Variants in SGCZ observed in about 807,000 individuals in gnomAD.
The protein encoded by SGCZ is zeta-sarcoglycan.
In SGCZ, 40 loss-of-function variants were observed where a neutral mutation model predicts 41.3. The ratio of observed to expected loss-of-function variants is 0.97; its 90% CI spans 0.75 to 1.26. The LOEUF (loss-of-function observed/expected upper bound fraction) is 1.26. SGCZ is among the 50% of genes most tolerant of loss of function. The pLI is 0.00. For missense variants in SGCZ, 552 were observed against 369.8 expected (o/e 1.49, Z -4.04); for synonymous variants, 206 against 137.5 (o/e 1.50, Z -3.49).
chr8:14,571,389 A>C lies in SGCZ; in HGVS notation c.40-16463T>G, dbSNP rs182723767. On this transcript the variant is annotated intron_variant, in intron 1 of 7. Transcript: ENST00000382080. ...GCATTAATGTTGCTGTAATCAAACCAAGTAGTCACTGTTTTTAGCAACACC... is the reference window on the plus strand; with the variant it reads ...GCATTAATGTTGCTGTAATCAAACCCAGTAGTCACTGTTTTTAGCAACACC... 7.2e-5 allele frequency among the ~76,000 whole-genome samples: 11 copies of C among 152,296 alleles called. No homozygotes were observed. In the East Asian group the frequency reaches 2.1e-3, roughly 29 times the overall value.
intron 2 of SGCZ, among the ~76,000 whole-genome samples, chr8:14,353,491 A>G (rs113387901): frequency 6.6e-6 from 1 of 152,194 alleles, no homozygotes; most frequent in South Asian, 2.1e-4. Context: ...TGCTTTACAG[A>G]TATTTCCAAT....
intron 2 of SGCZ, among the ~76,000 whole-genome samples, chr8:14,411,582 A>G (rs919211108): frequency 6.6e-6 from 1 of 152,088 alleles, no homozygotes; most frequent in Non-Finnish European, 1.5e-5. Context: ...GTACCTCCCC[A>G]AACCTCTAGG....
chr8:15,088,690 C>T (rs1806040023), intron 1 of SGCZ, among the ~76,000 whole-genome samples: 1 of 152,070 alleles, frequency 6.6e-6, no homozygotes, highest in Non-Finnish European at 1.5e-5. Context: ...CACCCTTTCC[C>T]CCTGCACTTA....
At chr8:14,549,798 A>T (rs1472072884) in intron 2 of SGCZ, among the ~76,000 whole-genome samples, 1 of 152,126 alleles carries the variant, frequency 6.6e-6, no homozygotes, top group Non-Finnish European at 1.5e-5. Context: ...AAAAGGCCAC[A>T]TAAATAAGGA....
intron 4 of SGCZ, among the ~76,000 whole-genome samples, chr8:14,206,938 C>T (rs1805635830): frequency 6.6e-6 from 1 of 152,176 alleles, no homozygotes; most frequent in Non-Finnish European, 1.5e-5. Context: ...AAGGCAAGCA[C>T]AATGTCTAGA....
At chr8:14,786,571 A>C (rs1301215939) in intron 1 of SGCZ, among the ~76,000 whole-genome samples, 1 of 152,118 alleles carries the variant, frequency 6.6e-6, no homozygotes, top group Non-Finnish European at 1.5e-5. Flanking sequence ...TTCCCTTTCA[A>C]CTGAAACAGC....
At chr8:14,597,468 T>G (rs947717929) in intron 1 of SGCZ, among the ~76,000 whole-genome samples, 1 of 152,176 alleles carries the variant, frequency 6.6e-6, no homozygotes, top group African/African-American at 2.4e-5. Flanking sequence ...TTCATTCCTT[T>G]TTTTGTTTGT....
At chr8:14,382,585 C>A (rs182898752) in intron 2 of SGCZ, among the ~76,000 whole-genome samples, 1 of 152,084 alleles carries the variant, frequency 6.6e-6, no homozygotes, top group African/African-American at 2.4e-5. Context: ...AAAATATGTG[C>A]CACACAATCA....
intron 2 of SGCZ, among the ~76,000 whole-genome samples, chr8:14,372,892 A>G: frequency 6.6e-6 from 1 of 152,178 alleles, no homozygotes; most frequent in East Asian, 1.9e-4. Context: ...AGTTAATTGT[A>G]AAGGTTTTTA....
At chr8:15,069,733 A>G (rs1166146877) in intron 1 of SGCZ, among the ~76,000 whole-genome samples, 1 of 152,220 alleles carries the variant, frequency 6.6e-6, no homozygotes, top group Non-Finnish European at 1.5e-5. Flanking sequence ...GAAAGCACTT[A>G]ATATCCCAGA....
At chr8:14,461,183 A>G (rs747478616) in intron 2 of SGCZ, among the ~76,000 whole-genome samples, 12 of 152,190 alleles carry the variant, frequency 7.9e-5, no homozygotes, top group Non-Finnish European at 1.6e-4. Context: ...AGCATCTCCT[A>G]CATTCCTTGT....
chr8:15,195,900 T>A (rs1800711223), intron 1 of SGCZ, among the ~76,000 whole-genome samples: 2 of 124,966 alleles, frequency 1.6e-5, no homozygotes, highest in Admixed American at 1.6e-4. Context: ...ATTTTTTTTT[T>A]TTTTTTTTTT....
At chr8:14,333,026 A>G (rs575864737) in intron 2 of SGCZ, among the ~76,000 whole-genome samples, 89 of 151,940 alleles carry the variant, frequency 5.9e-4, no homozygotes, top group Non-Finnish European at 8.8e-5. Context: ...ACACATACAT[A>G]TTTTAAATTC....
At chr8:14,565,156 C>T (rs551581467) in intron 1 of SGCZ, among the ~76,000 whole-genome samples, 11 of 152,186 alleles carry the variant, frequency 7.2e-5, no homozygotes, top group African/African-American at 2.6e-4. Flanking sequence ...GGGAAACATT[C>T]CCAGATGAAA....
Position 14,331,692 on chromosome 8 carries a change from A to G in SGCZ, c.235-7488T>C, listed in dbSNP as rs1042475974. ...GATTTATCACCTTTGTTCTTTGCCAATAGTTGTTCAAATTTCATAATTTAT... is the reference window on the plus strand; with the variant it reads ...GATTTATCACCTTTGTTCTTTGCCAGTAGTTGTTCAAATTTCATAATTTAT... On this transcript the variant is annotated intron_variant, in intron 2 of 7. Coordinates refer to ENST00000382080, the MANE Select transcript of SGCZ (RefSeq NM_139167.4). Among the ~76,000 whole-genome samples the G allele has an allele frequency of 1.1e-4, 16 of 152,070 alleles. 1 individual carries two copies. Among genetic ancestry groups the G allele is most frequent in the Non-Finnish European group, 2.1e-4 (14 of 67,968 alleles).
At chr8:14,760,871 T>G (rs1292968501) in intron 1 of SGCZ, among the ~76,000 whole-genome samples, 1 of 152,190 alleles carries the variant, frequency 6.6e-6, no homozygotes, top group Non-Finnish European at 1.5e-5. Flanking sequence ...TTTTCATGTG[T>G]GTGAAATATA....
chr8:14,519,932 T>C (rs533378245), intron 2 of SGCZ, among the ~76,000 whole-genome samples: 8 of 152,258 alleles, frequency 5.3e-5, no homozygotes, highest in Admixed American at 3.9e-4. Context: ...TTTACCAACA[T>C]AAACCATGGT....
At chr8:15,236,409 C>A (rs139464239) in intron 1 of SGCZ, among the ~76,000 whole-genome samples, 32 of 151,772 alleles carry the variant, frequency 2.1e-4, no homozygotes, top group Middle Eastern at 3.4e-3. Context: ...CATTTCAGGG[C>A]AAACCTCTAT....
intron 1 of SGCZ, among the ~76,000 whole-genome samples, chr8:14,945,861 G>T (rs773778558): frequency 1.4e-4 from 21 of 150,546 alleles, no homozygotes; most frequent in Non-Finnish European, 2.5e-4. Context: ...TTCAAATTCA[G>T]AGTTACATCA....
Sources: allele counts gnomAD v4.1 joint callset (sites outside exome capture counted in the v4.1 genomes callset), GRCh38; gene constraint gnomAD v4.1.1; transcripts MANE v1.5; gene names NCBI Gene and HGNC (gene_info 2026-07-23, HGNC 2026-07-21).